PREPL: variants seen among roughly 807,000 people sequenced by gnomAD.
The protein encoded by PREPL is prolyl endopeptidase-like.
A neutral mutation model predicts 70.6 loss-of-function variants in PREPL; 77 were observed. The ratio of observed to expected loss-of-function variants is 1.09; its 90% confidence interval spans 0.91 to 1.32. The LOEUF is 1.32. Among genes scored for constraint, PREPL ranks in the 40% most tolerant of loss-of-function variants. The pLI is 0.00. For synonymous variants in PREPL, 315 were observed against 264.8 expected, an observed-to-expected ratio of 1.19 and a Z score of -1.84; for missense variants, 1,002 against 778.2, an observed-to-expected ratio of 1.29 and a Z score of -3.42.
chr2:44,341,347 T>C (rs1403130497), intron 5 of PREPL, among the ~76,000 whole-genome samples: 1 of 152,188 alleles, frequency 6.6e-6, no homozygotes, highest in African/African-American at 2.4e-5. Context: ...ATCTATGTTT[T>C]AGAGTTATTC....
At position 44,342,578 on chromosome 2, in the gene PREPL, T is replaced by C. The variant is rs781149404; in HGVS notation, c.350-26A>G. 2.7e-6 allele frequency: 4 copies of C among 1,500,314 alleles called. No homozygotes were observed. The Admixed American group carries it at 7.7e-5, about 29-fold the overall frequency. The allele number at this position is 1,500,314 out of a possible 1,614,324, so 92.9% of individuals were successfully genotyped here. On this transcript the variant is annotated intron_variant, in intron 4 of 13. Transcript: ENST00000409411. Reference sequence around the variant, plus strand: ...CTGAAAGAAAATAATGAGATAATTATACATAATCACCTACACTCCATTAAA... The same window carrying C: ...CTGAAAGAAAATAATGAGATAATTACACATAATCACCTACACTCCATTAAA...
chr2:44,336,726 T>G (rs1674682655), intron 7 of PREPL, among the ~76,000 whole-genome samples: 2 of 152,080 alleles, frequency 1.3e-5, no homozygotes, highest in Admixed American at 6.6e-5. Context: ...ATTAAAATTT[T>G]TAAAATTAGC....
At chr2:44,331,427 G>C (rs1674074291) in intron 8 of PREPL, among the ~76,000 whole-genome samples, 1 of 151,926 alleles carries the variant, frequency 6.6e-6, no homozygotes, top group African/African-American at 2.4e-5. Context: ...TATTGGCCAG[G>C]CTGGTCTCGA....
rs1284455387 is a variant in PREPL at position 44,359,758 on chromosome 2, C to G, written c.-49+1622G>C. Reference sequence around the variant, plus strand: ...TTTATGCTCCTTTTGGGGCTGCCAGCACACGAATGATTTTATAGGTATGAT... The same window carrying G: ...TTTATGCTCCTTTTGGGGCTGCCAGGACACGAATGATTTTATAGGTATGAT... On this transcript the variant is annotated intron_variant, in intron 1 of 13. Transcript: ENST00000409411. 14 of 1,366,800 alleles carry G rather than the reference C, an allele frequency of 1.0e-5. No individual in the cohort carries two copies. The East Asian group carries it at 3.2e-4, about 31-fold the overall frequency. The allele number at this position is 1,366,800 out of a possible 1,614,324, so 84.7% of individuals were successfully genotyped here.
In PREPL at chr2:44,320,547, C is replaced by T; in HGVS notation, c.*809G>A. The T allele has an allele frequency of 1.2e-6, 2 of 1,614,056 alleles. No individual in the cohort carries two copies. The highest frequency in any genetic ancestry group is 1.7e-6 in the Non-Finnish European group (2 of 1,179,932). On this transcript the variant is annotated 3_prime_UTR_variant, in exon 14 of 14. Transcript: ENST00000409411. The stretch of plus-strand genomic sequence containing the variant: ...CTTTGAACACAACACGAAGAATCTC[C>T]TTCATCGCCAAACAGCTTTCAGAGA...
At chr2:44,335,083 A>C (rs1377972356) in intron 7 of PREPL, among the ~76,000 whole-genome samples, 1 of 152,220 alleles carries the variant, frequency 6.6e-6, no homozygotes, top group African/African-American at 2.4e-5. Flanking sequence ...AAAGATCAAG[A>C]AGTATTTAAT....
intron 11 of PREPL, among the ~76,000 whole-genome samples, 171 bp downstream of exon 11, chr2:44,323,091 T>A (rs934452311): frequency 6.6e-6 from 1 of 152,170 alleles, no homozygotes; most frequent in Non-Finnish European, 1.5e-5. Flanking sequence ...ATAAGTCTAT[T>A]CCCCTGAGGT....
intron 1 of PREPL, 84 bp from the exon 2 acceptor site, chr2:44,346,474 G>T: frequency 7.9e-7 from 1 of 1,259,242 alleles, no homozygotes; most frequent in Non-Finnish European, 1.1e-6. Flanking sequence ...GGTCTATACC[G>T]TAGACTTAAC....
intron 1 of PREPL, among the ~76,000 whole-genome samples, chr2:44,350,709 G>C (rs1266375280): frequency 1.3e-5 from 2 of 152,232 alleles, no homozygotes; most frequent in African/African-American, 4.8e-5. Context: ...CTAGAGCCCA[G>C]ACTTTTGCTC....
chr2:44,321,037 G>A lies in PREPL; in HGVS notation c.*319C>T. On this transcript the variant is annotated 3_prime_UTR_variant, in exon 14 of 14. Coordinates refer to ENST00000409411, the MANE Select transcript of PREPL (RefSeq NM_001171613.2). ...TAGCAAAGAGGCAGGACACTAATTT[G>A]TAAACTGCTCAACTGTTCTGACTGG... is the stretch of plus-strand genomic sequence containing the variant. The A allele has an allele frequency of 2.5e-6, 1 of 394,682 alleles. No homozygotes were observed. The highest frequency in any genetic ancestry group is 4.6e-6 in the Non-Finnish European group (1 of 216,362). 24.4% of individuals were successfully genotyped at this position (394,682 alleles called of 1,614,324 possible).
chr2:44,329,111 T>C lies in PREPL; in HGVS notation c.1088A>G (p.Asp363Gly). Residue 363 changes from aspartate (D) to glycine (G), a missense_variant and splice_region_variant, in exon 9 of 14, where the codon GAT becomes GGT. Physicochemically the swap from Asp to Gly is moderately conservative, Grantham distance 94. Transcript: ENST00000409411. ...AACAGTCATTGGCACTAATTTTCCA[T>C]CCTAGAAATGAAGAATTACTATGTA... ...RVLRLEAKSKDGKLVPMTVFH... is the reference protein window; with the variant it reads ...RVLRLEAKSKGGKLVPMTVFH... 6.3e-7 allele frequency: 1 copy of C among 1,590,464 alleles called. No individual in the cohort carries two copies. Among genetic ancestry groups the C allele is most frequent in the Non-Finnish European group, 8.6e-7 (1 of 1,161,250 alleles).
rs550765961 is a variant in PREPL at position 44,342,482 on chromosome 2, G to A, written c.420C>T (p.Asp140=). 27 of 1,612,360 alleles carry A rather than the reference G, an allele frequency of 1.7e-5. No homozygotes were observed. The highest frequency in any genetic ancestry group is 8.8e-5 in the South Asian group (8 of 91,022). ...TATCACCAAAAGTGGCTCGATATAC[G>A]TCATGACAGCGAAGGTTCCTCTGGA... is the stretch of plus-strand genomic sequence containing the variant. ...YTFQRNLRCH[D]VYRATFGDNK... Residue 140 remains aspartate (D), a synonymous_variant, in exon 5 of 14, where the codon GAC becomes GAT. Transcript: ENST00000409411.
intron 1 of PREPL, among the ~76,000 whole-genome samples, chr2:44,356,543 TCAAA>T (rs72565104): frequency 0.65 from 98,374 of 150,378 alleles, 32,663 homozygotes; most frequent in Middle Eastern, 0.7. Context: ...AGACTCCGTC[TCAAA>T]CAAACAAACA....
intron 7 of PREPL, among the ~76,000 whole-genome samples, chr2:44,334,575 T>G (rs1674444604): frequency 1.3e-5 from 2 of 152,212 alleles, no homozygotes; most frequent in South Asian, 4.1e-4. Context: ...AGACGGAGTC[T>G]TGCTCTTGCA....
At chr2:44,352,074 T>C (rs566129363) in intron 1 of PREPL, among the ~76,000 whole-genome samples, 1 of 152,334 alleles carries the variant, frequency 6.6e-6, no homozygotes, top group East Asian at 1.9e-4. Flanking sequence ...TTGGGCCCTA[T>C]GCCCAAATAC....
chr2:44,338,650 C>T lies in PREPL; in HGVS notation c.703-114G>A, dbSNP rs1049220265. 7 of 839,264 alleles carry T rather than the reference C, an allele frequency of 8.3e-6. No individual in the cohort carries two copies. In the East Asian group the frequency reaches 1.8e-4, roughly 22 times the overall value. The allele number at this position is 839,264 out of a possible 1,614,324, so 52.0% of individuals were successfully genotyped here. On this transcript the variant is annotated intron_variant, in intron 6 of 13. Transcript: ENST00000409411. Reference sequence around the variant, plus strand: ...CTAGTCCTCACTGTTTTATGAAGAGCTGAAGGAACTAACGCTGCATCAGGG... The same window carrying T: ...CTAGTCCTCACTGTTTTATGAAGAGTTGAAGGAACTAACGCTGCATCAGGG...
At chr2:44,333,012 G>A (rs759895280) in intron 7 of PREPL, among the ~76,000 whole-genome samples, 14 of 152,054 alleles carry the variant, frequency 9.2e-5, no homozygotes, top group African/African-American at 2.9e-4. Context: ...AGAACCCACC[G>A]ACACTGCCAA....
intron 3 of PREPL, 33 bp downstream of exon 3, chr2:44,344,487 T>C: frequency 7.1e-7 from 1 of 1,417,666 alleles, no homozygotes; most frequent in Admixed American, 2.2e-5. Flanking sequence ...AATCTGAAAA[T>C]TAGAGCACGT....
chr2:44,343,230 A>T (rs567185934), intron 4 of PREPL, among the ~76,000 whole-genome samples: 1 of 152,356 alleles, frequency 6.6e-6, no homozygotes, highest in African/African-American at 2.4e-5. Flanking sequence ...ATGAAAAGGG[A>T]GGACAAAATG....
Sources: gnomAD v4.1 joint callset for allele counts (sites outside exome capture counted in the v4.1 genomes callset) on GRCh38, gnomAD v4.1.1 for gene constraint, MANE v1.5 for transcripts, NCBI Gene and HGNC (gene_info 2026-07-23, HGNC 2026-07-21) for gene names.